The following VWA5B1 variants were observed in gnomAD, a reference collection of about 807,000 sequenced individuals.
VWA5B1 encodes von Willebrand factor A domain-containing protein 5B1.
Under a neutral mutation model 118.2 loss-of-function variants are expected in VWA5B1, and 115 were observed. The ratio of observed to expected loss-of-function variants is 0.97; its 90% confidence interval spans 0.84 to 1.14. The LOEUF is 1.14. Among genes scored for constraint, VWA5B1 ranks in the 50% most tolerant of loss-of-function variants. The pLI is 0.00. For synonymous variants in VWA5B1, 682 were observed against 658.4 expected, an observed-to-expected ratio of 1.04 and a Z score of -0.55; for missense variants, 1,596 against 1,603.8, an observed-to-expected ratio of 1.00 and a Z score of 0.08.
At chr1:20,332,180 T>C (rs1039981500) in intron 11 of VWA5B1, among the ~76,000 whole-genome samples, 2 of 152,154 alleles carry the variant, frequency 1.3e-5, no homozygotes, top group Admixed American at 6.5e-5. Flanking sequence ...TTTTCTCATT[T>C]ATAAAATGCT....
At chr1:20,305,086 G>C (rs745651833) in intron 1 of VWA5B1, among the ~76,000 whole-genome samples, 1 of 152,116 alleles carries the variant, frequency 6.6e-6, no homozygotes, top group Non-Finnish European at 1.5e-5. Flanking sequence ...ACCTTGGAGC[G>C]TTGGGAGACA....
At chr1:20,349,151 G>A (rs772075586) in intron 18 of VWA5B1, 2 of 421,180 alleles carry the variant, frequency 4.7e-6, no homozygotes, top group South Asian at 3.4e-5. Context: ...AACAGAAACA[G>A]AACACAGTGT....
intron 1 of VWA5B1, among the ~76,000 whole-genome samples, chr1:20,309,177 G>C (rs2088764155): frequency 1.3e-5 from 2 of 152,176 alleles, no homozygotes; most frequent in African/African-American, 2.4e-5. Context: ...CAACACAAAG[G>C]GGGTTGTGAA....
chr1:20,335,078 G>C (rs1363102478), intron 12 of VWA5B1, among the ~76,000 whole-genome samples: 1 of 152,188 alleles, frequency 6.6e-6, no homozygotes, highest in East Asian at 1.9e-4. Context: ...GGAGGCCAAG[G>C]TAGGTGCCTG....
intron 14 of VWA5B1, among the ~76,000 whole-genome samples, chr1:20,339,921 A>G (rs928266383): frequency 6.6e-6 from 1 of 152,120 alleles, no homozygotes; most frequent in Non-Finnish European, 1.5e-5. Flanking sequence ...CCATCAAAAG[A>G]TATTTATTGA....
intron 14 of VWA5B1, among the ~76,000 whole-genome samples, chr1:20,342,025 A>AT (rs1163858700): frequency 1.3e-5 from 2 of 151,962 alleles, no homozygotes; most frequent in African/African-American, 4.8e-5. Flanking sequence ...ATTCTAGAAT[A>AT]TTTTTTGAGT....
intron 9 of VWA5B1, 122 bp from the exon 10 acceptor site, chr1:20,330,058 G>A: frequency 9.0e-7 from 1 of 1,109,678 alleles, no homozygotes; most frequent in South Asian, 1.5e-5. Context: ...GGATGAAATT[G>A]GGAGCATGGG....
chr1:20,309,196 C>A (rs137888070), intron 1 of VWA5B1, among the ~76,000 whole-genome samples: 1 of 152,284 alleles, frequency 6.6e-6, no homozygotes, highest in East Asian at 1.9e-4. Flanking sequence ...AAGCCAAAGT[C>A]GAATCAAGGT....
chr1:20,326,466 G>C (rs1284027763), intron 8 of VWA5B1, among the ~76,000 whole-genome samples: 1 of 151,978 alleles, frequency 6.6e-6, no homozygotes, highest in Non-Finnish European at 1.5e-5. Context: ...GGGTTTTTTT[G>C]TTTTGTTTTG....
intron 8 of VWA5B1, among the ~76,000 whole-genome samples, 176 bp from the exon 9 acceptor site, chr1:20,327,713 TG>T (rs2089430093): frequency 6.6e-6 from 1 of 152,076 alleles, no homozygotes; most frequent in African/African-American, 2.4e-5. Context: ...GTCCAGCCTC[TG>T]GTCAGTGTCA....
intron 12 of VWA5B1, 109 bp from the exon 13 acceptor site, chr1:20,336,194 C>A: frequency 1.0e-6 from 1 of 992,124 alleles, no homozygotes; most frequent in Non-Finnish European, 1.3e-6. Context: ...TGAGCTGTTT[C>A]TTCAGAGATG....
chr1:20,319,427 T>TG lies in VWA5B1; in HGVS notation c.890dup (p.Glu298ArgfsTer3), dbSNP rs2089134211. The TG allele has an allele frequency of 6.4e-7, 1 of 1,551,618 alleles. No homozygotes were observed. Among genetic ancestry groups the TG allele is most frequent in the Non-Finnish European group, 8.7e-7 (1 of 1,147,004 alleles). On this transcript the variant is annotated frameshift_variant, in exon 7 of 22. Coordinates refer to ENST00000289815, the MANE Select transcript of VWA5B1 (RefSeq NM_001039500.3). LOFTEE classifies it high-confidence loss of function. ...CTGATAGAGAAAGGGGACATGACCC[T>TG]GGGAGAGTTTGACCAGCACTTGAAG...
chr1:20,347,237 G>A (rs1056438182), intron 17 of VWA5B1, among the ~76,000 whole-genome samples: 2 of 152,190 alleles, frequency 1.3e-5, no homozygotes, highest in Non-Finnish European at 2.9e-5. Flanking sequence ...AAGTTCAAAA[G>A]CTTTCTTTAC....
At chr1:20,319,265 C>A in intron 6 of VWA5B1, 117 bp from the exon 7 acceptor site, 1 of 1,430,942 alleles carries the variant, frequency 7.0e-7, no homozygotes, top group Non-Finnish European at 9.4e-7. Flanking sequence ...AGGGCTTCCA[C>A]CCCGCTTCCA....
rs1262212048 is a variant in VWA5B1, at chr1:20,336,486, G to A, written c.1942G>A (p.Asp648Asn). 43 of 1,392,684 alleles carry A rather than the reference G, an allele frequency of 3.1e-5. No homozygotes were observed. Among genetic ancestry groups the A allele is most frequent in the South Asian group, 1.1e-4 (6 of 54,862 alleles). 86.3% of individuals were successfully genotyped at this position (1,392,684 alleles called of 1,614,324 possible). A position where few individuals can be genotyped will look rare whatever the true frequency, so the allele number is the denominator to read the frequency against. Reference sequence around the variant, plus strand: ...CAGCGGAGACTCTACCACCAAGCACGGTTCGTCTGCGGCTCTGATGATTGC... The same window carrying A: ...CAGCGGAGACTCTACCACCAAGCACAGTTCGTCTGCGGCTCTGATGATTGC... ...LASGDSTTKHDLNLSQRRRAY... is the reference protein window; with the variant it reads ...LASGDSTTKHNLNLSQRRRAY... Residue 648 changes from aspartate (D) to asparagine (N), a missense_variant and splice_region_variant, in exon 13 of 22, where the codon GAT becomes AAT. Coordinates refer to ENST00000289815, the MANE Select transcript of VWA5B1 (RefSeq NM_001039500.3).
chr1:20,341,739 G>A (rs1470890865), intron 14 of VWA5B1, among the ~76,000 whole-genome samples: 1 of 152,130 alleles, frequency 6.6e-6, no homozygotes, highest in Non-Finnish European at 1.5e-5. Flanking sequence ...TTTGATGTCT[G>A]TTTGTACCAG....
intron 12 of VWA5B1, among the ~76,000 whole-genome samples, chr1:20,335,666 G>A (rs574996763): frequency 1.3e-5 from 2 of 152,250 alleles, no homozygotes; most frequent in African/African-American, 2.4e-5. Flanking sequence ...AATAAAGTAC[G>A]CTAGAGAAAA....
chr1:20,316,374 C>T (rs1557840496), intron 4 of VWA5B1, among the ~76,000 whole-genome samples: 1 of 152,100 alleles, frequency 6.6e-6, no homozygotes, highest in Non-Finnish European at 1.5e-5. Flanking sequence ...TGGATGCCCC[C>T]AAGTGACATC....
chr1:20,319,337 C>T, intron 6 of VWA5B1, 45 bp from the exon 7 acceptor site: 2 of 1,546,024 alleles, frequency 1.3e-6, no homozygotes, highest in East Asian at 2.5e-5. Context: ...CATCCTTCTC[C>T]TACGATACCT....
Sources: allele counts gnomAD v4.1 joint callset (sites outside exome capture counted in the v4.1 genomes callset), GRCh38; gene constraint gnomAD v4.1.1; transcripts MANE v1.5; gene names NCBI Gene and HGNC (gene_info 2026-07-23, HGNC 2026-07-21).